The following USP34 variants were observed in gnomAD, a reference collection of about 807,000 sequenced individuals.
USP34 encodes the protein ubiquitin carboxyl-terminal hydrolase 34.
A neutral mutation model predicts 460.3 loss-of-function variants in USP34; 70 were observed. The ratio of observed to expected loss-of-function variants is 0.15; its 90% CI spans 0.13 to 0.19. USP34 has a LOEUF of 0.19. USP34 is among the 10% of genes least tolerant of loss of function. USP34 has a pLI of 1.00. For synonymous variants in USP34, 1,647 were observed against 1,405.3 expected, an observed-to-expected ratio of 1.17 and a Z score of -3.85; for missense variants, 3,985 against 4,236.2, an observed-to-expected ratio of 0.94 and a Z score of 1.65.
At chr2:61,437,806 T>TAAATAAATAAATAA (rs1387227681) in intron 1 of USP34, among the ~76,000 whole-genome samples, 1 of 149,896 alleles carries the variant, frequency 6.7e-6, no homozygotes, top group Non-Finnish European at 1.5e-5. Context: ...AATAAATAAA[T>TAAATAAATAAATAA]AAATAAATAA....
chr2:61,426,611 G>A (rs1205273579), intron 1 of USP34, among the ~76,000 whole-genome samples: 1 of 152,198 alleles, frequency 6.6e-6, no homozygotes, highest in Non-Finnish European at 1.5e-5. Context: ...AACACTTCTG[G>A]ACCCACCTGG....
At chr2:61,246,617 AG>A in intron 49 of USP34, 140 bp from the exon 50 acceptor site, 1 of 600,110 alleles carries the variant, frequency 1.7e-6, no homozygotes, top group Non-Finnish European at 2.5e-6. Context: ...CAATGTGACG[AG>A]TTACTTAGAA....
At position 61,288,765 on chromosome 2, in the gene USP34, T is replaced by C. The variant is rs1340332355; in HGVS notation, c.4661A>G (p.Glu1554Gly). The C allele has an allele frequency of 6.2e-7, 1 of 1,614,096 alleles. No individual in the cohort carries two copies. Among genetic ancestry groups the C allele is most frequent in the Admixed American group, 1.7e-5 (1 of 60,016 alleles). The change falls in exon 34 of 80, where the codon GAA becomes GGA. Residue 1554 changes from glutamate to glycine, a missense_variant. Physicochemically the swap from Glu to Gly is moderately conservative, Grantham distance 98. Transcript: ENST00000398571. ...HDVFAWSGIA[E>G]SHRKRTWPGK... ...AGGCCAGGTTCTTTTCCTATGGCTT[T>C]CCGCTATACCAGACCAGGCAAAGAC... is the stretch of plus-strand genomic sequence containing the variant.
chr2:61,262,699 C>T (rs1291208827), intron 43 of USP34, among the ~76,000 whole-genome samples: 16 of 152,074 alleles, frequency 1.1e-4, no homozygotes, highest in Admixed American at 1.0e-3. Flanking sequence ...TGGGTATATA[C>T]CCAATGGAAT....
chr2:61,283,594 AG>A (rs1226226125), intron 35 of USP34, 145 bp from the exon 36 acceptor site: 1 of 741,096 alleles, frequency 1.3e-6, no homozygotes, highest in Non-Finnish European at 2.2e-6. Context: ...TGAGAGTGAG[AG>A]TGAGAGAGAG....
chr2:61,276,560 G>A (rs1350720158), intron 41 of USP34, among the ~76,000 whole-genome samples: 1 of 151,804 alleles, frequency 6.6e-6, no homozygotes, highest in Non-Finnish European at 1.5e-5. Context: ...AAACCAAATG[G>A]GAATATTCTT....
intron 1 of USP34, among the ~76,000 whole-genome samples, chr2:61,465,859 T>C (rs1695746812): frequency 6.6e-6 from 1 of 151,548 alleles, no homozygotes; most frequent in African/African-American, 2.4e-5. Context: ...CGCCTGTAGT[T>C]CCAGCTCCTC....
intron 8 of USP34, among the ~76,000 whole-genome samples, chr2:61,373,020 G>A (rs1390884189): frequency 6.6e-6 from 1 of 152,114 alleles, no homozygotes; most frequent in Non-Finnish European, 1.5e-5. Flanking sequence ...AAGGGAACCA[G>A]AATAAGATTA....
chr2:61,301,227 A>AG, intron 28 of USP34, 67 bp from the exon 29 acceptor site: 1 of 1,534,524 alleles, frequency 6.5e-7, no homozygotes, highest in South Asian at 1.3e-5. Flanking sequence ...GTAAATCTGA[A>AG]GTATAGAATC....
intron 16 of USP34, 108 bp from the exon 17 acceptor site, chr2:61,339,789 G>A (rs902244803): frequency 2.6e-5 from 14 of 528,972 alleles, no homozygotes; most frequent in Middle Eastern, 5.1e-4. Flanking sequence ...ATTTTTCTCA[G>A]ATCATAAAAT....
At chr2:61,439,090 C>G (rs1351824592) in intron 1 of USP34, among the ~76,000 whole-genome samples, 1 of 152,120 alleles carries the variant, frequency 6.6e-6, no homozygotes, top group Non-Finnish European at 1.5e-5. Flanking sequence ...AAAAGTCTAA[C>G]AGGAATAAAT....
intron 4 of USP34, 62 bp from the exon 5 acceptor site, chr2:61,395,064 A>G (rs1411318611): frequency 6.6e-6 from 10 of 1,505,552 alleles, no homozygotes; most frequent in Non-Finnish European, 8.1e-6. Flanking sequence ...TATCTTAGCA[A>G]TACTGGAAAG....
At chr2:61,243,793 C>T (rs1360751242) in intron 51 of USP34, among the ~76,000 whole-genome samples, 1 of 151,344 alleles carries the variant, frequency 6.6e-6, no homozygotes, top group African/African-American at 2.4e-5. Flanking sequence ...ATCACTTGAA[C>T]CAGAAGTTGG....
chr2:61,248,026 A>G (rs1688466341), intron 49 of USP34, among the ~76,000 whole-genome samples: 1 of 152,058 alleles, frequency 6.6e-6, no homozygotes, highest in Non-Finnish European at 1.5e-5. Flanking sequence ...GTCTCTACTA[A>G]AAATACAAAA....
In USP34 at chr2:61,187,720, A is replaced by T. The variant is rs908536712; in HGVS notation, c.*382T>A. 2.2e-6 allele frequency: 1 copy of T among 446,226 alleles called. No individual in the cohort carries two copies. The highest frequency in any genetic ancestry group is 3.1e-6 in the Non-Finnish European group (1 of 325,552). The allele number at this position is 446,226 out of a possible 1,614,324, so 27.6% of individuals were successfully genotyped here. On this transcript the variant is annotated 3_prime_UTR_variant, in exon 80 of 80. Transcript: ENST00000398571. ...ATAAGAACCACAGCGATCGGAGGCA[A>T]TCTGCCTCTATAAGGTACAAAACTG... is the stretch of plus-strand genomic sequence containing the variant.
chr2:61,199,242 A>AC (rs1686897902), intron 75 of USP34, among the ~76,000 whole-genome samples: 1 of 150,104 alleles, frequency 6.7e-6, no homozygotes, highest in African/African-American at 2.4e-5. Flanking sequence ...TATTTCAATG[A>AC]TTTTTTTCAC....
At chr2:61,330,725 T>C (rs138261161) in intron 20 of USP34, among the ~76,000 whole-genome samples, 198 of 152,256 alleles carry the variant, frequency 1.3e-3, no homozygotes, top group African/African-American at 4.7e-3. Flanking sequence ...AATACAGCTA[T>C]ACCACCACCA....
At chr2:61,317,396 A>C (rs1308078229) in intron 23 of USP34, among the ~76,000 whole-genome samples, 2 of 152,010 alleles carry the variant, frequency 1.3e-5, no homozygotes, top group African/African-American at 2.4e-5. Context: ...GCATGGTGGC[A>C]AATGTCTGTA....
At chr2:61,222,905 T>G (rs1181377034) in intron 64 of USP34, 155 bp downstream of exon 64, 1 of 726,170 alleles carries the variant, frequency 1.4e-6, no homozygotes, top group African/African-American at 1.8e-5. Flanking sequence ...CTATGTTGCC[T>G]AGGCTGGTCT....
Sources: gnomAD v4.1 joint callset for allele counts (sites outside exome capture counted in the v4.1 genomes callset) on GRCh38, gnomAD v4.1.1 for gene constraint, MANE v1.5 for transcripts, NCBI Gene and HGNC (gene_info 2026-07-23, HGNC 2026-07-21) for gene names.